CTSC: variants seen among roughly 807,000 people sequenced by gnomAD.
The protein encoded by CTSC is cathepsin C.
In CTSC, 37 loss-of-function variants were observed where a neutral mutation model predicts 40.9. The observed-to-expected ratio is 0.91, with a 90% CI of 0.70 to 1.19. The LOEUF is 1.19. Ranked by LOEUF, CTSC falls within the 50% of genes most tolerant of loss-of-function variation. The probability of loss-of-function intolerance (pLI) is 0.00; values close to 1 mark genes in which losing one functional copy is unlikely to be tolerated. For synonymous variants in CTSC, 232 were observed against 207.4 expected (o/e 1.12, Z -1.02); for missense variants, 594 against 567.3 (o/e 1.05, Z -0.48).
In CTSC at chr11:88,296,273, GAA is replaced by G; in HGVS notation, c.758-11_758-10del. The stretch of plus-strand genomic sequence containing the variant: ...GCAGCTGCCACAGGATGCTGGCGAT[GAA>G]AAAAAGACACATAATCCAAGAGACA... On this transcript the variant is annotated splice_polypyrimidine_tract_variant and intron_variant, in intron 5 of 6. Coordinates refer to ENST00000227266, the MANE Select transcript of CTSC (RefSeq NM_001814.6). 6.2e-7 allele frequency: 1 copy of G among 1,613,172 alleles called. No individual in the cohort carries two copies. The highest frequency in any genetic ancestry group is 8.5e-7 in the Non-Finnish European group (1 of 1,179,566).
Position 88,312,516 on chromosome 11 carries a change from G to T in CTSC, c.357C>A (p.Asn119Lys). 6.2e-7 allele frequency: 1 copy of T among 1,614,128 alleles called. No individual in the cohort carries two copies. The highest frequency in any genetic ancestry group is 8.5e-7 in the Non-Finnish European group (1 of 1,180,014). Residue 119 changes from asparagine to lysine, a missense_variant, in exon 3 of 7, where the codon AAC becomes AAA. By Grantham distance (94) the Asn-to-Lys change is moderately conservative. Coordinates refer to ENST00000227266, the MANE Select transcript of CTSC (RefSeq NM_001814.6). ...CATGCACCCACCCAGTCATTGTCTC[G>T]TTGCAGTAAGTGGTCACCTTGCTGC... ...EEGSKVTTYC[N>K]ETMTGWVHDV...
At position 88,294,080 on chromosome 11, in the gene CTSC, G is replaced by A. The variant is rs754353507; in HGVS notation, c.1318C>T (p.Arg440Trp). The change falls in exon 7 of 7, where the codon CGG becomes TGG. Residue 440 changes from arginine to tryptophan, a missense_variant. Arg to Trp is a moderately radical substitution (Grantham distance 101, BLOSUM62 -3). Coordinates refer to ENST00000227266, the MANE Select transcript of CTSC (RefSeq NM_001814.6). Reference sequence around the variant, plus strand: ...CACTCATCAGTTCCTCTGCGGATCCGGAAGTAGCCATTCTCACCCCAGCCG... The same window carrying A: ...CACTCATCAGTTCCTCTGCGGATCCAGAAGTAGCCATTCTCACCCCAGCCG... ...GTGWGENGYF[R>W]IRRGTDECAI... 123 of 1,613,920 alleles carry A rather than the reference G, an allele frequency of 7.6e-5. No individual in the cohort carries two copies. The highest frequency in any genetic ancestry group is 3.8e-4 in the East Asian group (17 of 44,878).
At chr11:88,300,468 G>T in intron 5 of CTSC, 62 bp downstream of exon 5, 1 of 1,004,988 alleles carries the variant, frequency 1.0e-6, no homozygotes, top group Non-Finnish European at 1.6e-6. Context: ...CCATCACACA[G>T]AGCAACTGTT....
chr11:88,325,377 A>G (rs753024068), intron 2 of CTSC: 3 of 985,436 alleles, frequency 3.0e-6, no homozygotes, highest in Non-Finnish European at 3.6e-6. Context: ...TTCTTCTCTT[A>G]AAACTTCAAC....
intron 2 of CTSC, chr11:88,320,852 G>T: frequency 1.2e-6 from 1 of 836,298 alleles, no homozygotes; most frequent in Non-Finnish European, 1.4e-6. Flanking sequence ...ATTTATTGAA[G>T]GCTTATTATT....
At chr11:88,324,612 G>A in intron 2 of CTSC, 1 of 984,642 alleles carries the variant, frequency 1.0e-6, no homozygotes, top group Non-Finnish European at 1.2e-6. Flanking sequence ...ATTAGGTGTT[G>A]AAGATATACA....
intron 4 of CTSC, among the ~76,000 whole-genome samples, chr11:88,302,843 A>G (rs1310379833): frequency 1.7e-4 from 26 of 152,200 alleles, no homozygotes; most frequent in Admixed American, 1.6e-3. Flanking sequence ...TGAGATGGTC[A>G]TTAACAATAT....
chr11:88,299,996 C>G (rs1373188024), intron 5 of CTSC, among the ~76,000 whole-genome samples: 1 of 152,186 alleles, frequency 6.6e-6, no homozygotes. Context: ...ACTCAGGAAG[C>G]TGGGTTAATA....
Position 88,300,616 on chromosome 11 carries a change from A to G in CTSC, c.671T>C (p.Ile224Thr). ...RPKPAPLTAE[I>T]QQKILHLPTS... ...TGGCAAATGCAAAATCTTTTGCTGT[A>G]TTTCAGCAGTCAGTGGTGCAGGTTT... The change falls in exon 5 of 7, where the codon ATA (isoleucine) becomes ACA (threonine). Residue 224 changes from isoleucine to threonine, a missense_variant. Transcript: ENST00000227266. 1 of 1,613,530 alleles carries G rather than the reference A, an allele frequency of 6.2e-7. No homozygotes were observed. The highest frequency in any genetic ancestry group is 8.5e-7 in the Non-Finnish European group (1 of 1,179,428).
chr11:88,317,128 G>A (rs998795978), intron 2 of CTSC, among the ~76,000 whole-genome samples: 49 of 152,140 alleles, frequency 3.2e-4, no homozygotes, highest in South Asian at 1.0e-3. Flanking sequence ...CACCACGCCC[G>A]GCTAATTTTT....
At chr11:88,312,750 C>A (rs1260549392) in intron 2 of CTSC, among the ~76,000 whole-genome samples, 196 bp from the exon 3 acceptor site, 12 of 151,970 alleles carry the variant, frequency 7.9e-5, no homozygotes, top group Admixed American at 7.2e-4. Context: ...GGCCACCAAA[C>A]AAAATGTATA....
intron 2 of CTSC, among the ~76,000 whole-genome samples, chr11:88,330,160 A>G (rs904845965): frequency 6.6e-6 from 1 of 152,220 alleles, no homozygotes; most frequent in East Asian, 1.9e-4. Context: ...AGTGTTTTAA[A>G]GGAAATTTGA....
chr11:88,320,854 C>T, intron 2 of CTSC: 1 of 832,480 alleles, frequency 1.2e-6, no homozygotes, highest in Non-Finnish European at 1.4e-6. Flanking sequence ...TTATTGAAGG[C>T]TTATTATTGG....
intron 5 of CTSC, 57 bp from the exon 6 acceptor site, chr11:88,296,321 C>A: frequency 6.2e-7 from 1 of 1,606,304 alleles, no homozygotes; most frequent in South Asian, 1.1e-5. Flanking sequence ...CACAGAGAAT[C>A]ATGCAAAAAC....
At chr11:88,311,720 T>A (rs72964984) in intron 3 of CTSC, among the ~76,000 whole-genome samples, 10,829 of 152,218 alleles carry the variant, frequency 0.071, 442 homozygotes, top group Non-Finnish European at 0.096. Flanking sequence ...AATTAGGTCA[T>A]ATGGGTGGGC....
chr11:88,296,054 A>T (rs1156556376), intron 6 of CTSC, 79 bp downstream of exon 6: 2 of 1,478,750 alleles, frequency 1.4e-6, no homozygotes, highest in Non-Finnish European at 1.9e-6. Context: ...CTACTGCATC[A>T]TCCTTTTGCC....
intron 6 of CTSC, among the ~76,000 whole-genome samples, chr11:88,294,798 G>GT (rs1419729035): frequency 1.3e-5 from 2 of 152,192 alleles, no homozygotes; most frequent in Admixed American, 6.5e-5. Flanking sequence ...CGTGTGAAGA[G>GT]TTTAACTTCT....
intron 2 of CTSC, among the ~76,000 whole-genome samples, chr11:88,333,352 C>G (rs1938411989): frequency 6.6e-6 from 1 of 152,190 alleles, no homozygotes. Context: ...AATTCCACTT[C>G]ATTCATTCAT....
chr11:88,294,080 G>T lies in CTSC; in HGVS notation c.1318C>A (p.Arg440=). The change falls in exon 7 of 7, where the codon CGG becomes AGG. Residue 440 remains arginine (R), a synonymous_variant. Coordinates refer to ENST00000227266, the MANE Select transcript of CTSC (RefSeq NM_001814.6). The part of the protein sequence containing the change: ...GTGWGENGYF[R]IRRGTDECAI... The stretch of plus-strand genomic sequence containing the variant: ...CACTCATCAGTTCCTCTGCGGATCC[G>T]GAAGTAGCCATTCTCACCCCAGCCG... The T allele has an allele frequency of 6.2e-7, 1 of 1,613,920 alleles. No homozygotes were observed. The highest frequency in any genetic ancestry group is 8.5e-7 in the Non-Finnish European group (1 of 1,179,990).
Sources: allele counts gnomAD v4.1 joint callset (sites outside exome capture counted in the v4.1 genomes callset), GRCh38; gene constraint gnomAD v4.1.1; transcripts MANE v1.5; gene names NCBI Gene and HGNC (gene_info 2026-07-23, HGNC 2026-07-21).